NUP98: variants seen among roughly 807,000 people sequenced by gnomAD.
The protein encoded by NUP98 is nuclear pore complex protein Nup98-Nup96.
NUP98 carries 26 observed loss-of-function variants against 191.9 expected under a neutral mutation model. That is an observed-to-expected ratio of 0.14 (90% CI 0.10 to 0.19). The LOEUF (loss-of-function observed/expected upper bound fraction) is 0.19, where lower values mean the gene tolerates loss of function less well. NUP98 is among the 10% of genes least tolerant of loss of function. The probability of loss-of-function intolerance (pLI) is 1.00; values close to 1 mark genes in which losing one functional copy is unlikely to be tolerated. For missense variants in NUP98, 1,941 were observed against 2,178.8 expected, an observed-to-expected ratio of 0.89 and a Z score of 2.17; for synonymous variants, 808 against 778.4, an observed-to-expected ratio of 1.04 and a Z score of -0.63.
intron 10 of NUP98, chr11:3,760,107 T>G (rs11029664): frequency 0.19 from 26,586 of 141,108 alleles, 2,530 homozygotes; most frequent in Non-Finnish European, 0.22. Flanking sequence ...GACCCTGTTC[T>G]CCACCAAAAA....
intron 25 of NUP98, among the ~76,000 whole-genome samples, chr11:3,696,360 G>A (rs999537173): frequency 1.3e-5 from 2 of 151,924 alleles, no homozygotes; most frequent in African/African-American, 2.4e-5. Flanking sequence ...AAATTAGCCT[G>A]GCGTGGTGGC....
intron 13 of NUP98, among the ~76,000 whole-genome samples, chr11:3,731,817 T>C (rs1436868241): frequency 6.6e-6 from 1 of 152,188 alleles, no homozygotes; most frequent in African/African-American, 2.4e-5. Context: ...TTTGAAATAT[T>C]TGCATTATAC....
intron 14 of NUP98, among the ~76,000 whole-genome samples, chr11:3,729,464 T>A (rs1340628512): frequency 7.0e-6 from 1 of 142,128 alleles, no homozygotes; most frequent in Non-Finnish European, 1.5e-5. Flanking sequence ...ATGCCTGTAA[T>A]CCTAACACCT....
At chr11:3,708,064 G>A (rs1169608179) in intron 20 of NUP98, among the ~76,000 whole-genome samples, 1 of 152,162 alleles carries the variant, frequency 6.6e-6, no homozygotes. Context: ...TTGTGCCACT[G>A]CACTCCAGCC....
In NUP98 at chr11:3,676,383, A is replaced by G; in HGVS notation, c.5186-7T>C. 2 of 1,613,856 alleles carry G rather than the reference A, an allele frequency of 1.2e-6. No individual in the cohort carries two copies. Among genetic ancestry groups the G allele is most frequent in the Non-Finnish European group, 1.7e-6 (2 of 1,179,816 alleles). On this transcript the variant is annotated splice_region_variant and splice_polypyrimidine_tract_variant and intron_variant, in intron 32 of 32. Transcript: ENST00000324932. Reference sequence around the variant, plus strand: ...GCTACACGTTTGGCCATGTCTAGAGAGAAAAACTAGAGTCAAGCACTGAGC... The same window carrying G: ...GCTACACGTTTGGCCATGTCTAGAGGGAAAAACTAGAGTCAAGCACTGAGC...
chr11:3,765,482 T>C (rs190848807), intron 8 of NUP98, among the ~76,000 whole-genome samples: 1 of 152,336 alleles, frequency 6.6e-6, no homozygotes, highest in Admixed American at 6.5e-5. Context: ...AGTTTTATAA[T>C]TTTAGGTCTT....
At chr11:3,746,439 T>C (rs1589864400) in intron 11 of NUP98, among the ~76,000 whole-genome samples, 1 of 151,790 alleles carries the variant, frequency 6.6e-6, no homozygotes. Context: ...TATTTTCTGG[T>C]AGTCTAATAC....
Position 3,724,789 on chromosome 11 carries a change from A to AAAAAAAAAAAAAAAAAAAAAG in NUP98, c.1847+313_1847+314insCTTTTTTTTTTTTTTTTTTTT, listed in dbSNP as rs1259105482. On this transcript the variant is annotated intron_variant, in intron 15 of 32. Transcript: ENST00000324932. ...GAGTGAGACTCTGTCTCAAAAAAAA[A>AAAAAAAAAAAAAAAAAAAAAG]AAAGAAAGAAAATCATCACAGACAA... Among the ~76,000 whole-genome samples, 12 of 150,358 alleles carry AAAAAAAAAAAAAAAAAAAAAG rather than the reference A, an allele frequency of 8.0e-5. 1 individual carries two copies. The highest frequency in any genetic ancestry group is 3.0e-4 in the African/African-American group (12 of 40,594).
In NUP98 at chr11:3,699,307, G is replaced by A. The variant is rs2078606463; in HGVS notation, c.3784C>T (p.Leu1262=). 2.5e-6 allele frequency: 4 copies of A among 1,614,198 alleles called. No individual in the cohort carries two copies. The highest frequency in any genetic ancestry group is 2.7e-5 in the African/African-American group (2 of 75,034). ...WSLTWTLCEA[L]WGHLKELDSQ... ...TCAAGCTCCTTCAGGTGGCCCCATA[G>A]GGCTTCACATAGTGTCCATGTCAGG... Residue 1262 remains leucine (L), a synonymous_variant, in exon 25 of 33, where the codon CTA becomes TTA. Coordinates refer to ENST00000324932, the MANE Select transcript of NUP98 (RefSeq NM_016320.5).
At chr11:3,765,738 T>C (rs563973785) in intron 8 of NUP98, among the ~76,000 whole-genome samples, 7 of 150,972 alleles carry the variant, frequency 4.6e-5, no homozygotes, top group African/African-American at 1.5e-4. Context: ...GAGGCAGAGG[T>C]TGCAGTGAGC....
chr11:3,791,003 C>G (rs1450069892), intron 1 of NUP98, among the ~76,000 whole-genome samples: 1 of 151,512 alleles, frequency 6.6e-6, no homozygotes, highest in African/African-American at 2.4e-5. Flanking sequence ...TCACGACATT[C>G]TCCTGCGTCA....
intron 5 of NUP98, among the ~76,000 whole-genome samples, chr11:3,774,682 G>A (rs1378142343): frequency 6.6e-6 from 1 of 151,564 alleles, no homozygotes; most frequent in Admixed American, 6.6e-5. Context: ...GCACCACTGC[G>A]CTCCCGTCTG....
chr11:3,691,646 C>T (rs1171706251), intron 27 of NUP98, among the ~76,000 whole-genome samples, 157 bp from the exon 28 acceptor site: 1 of 152,056 alleles, frequency 6.6e-6, no homozygotes, highest in African/African-American at 2.4e-5. Context: ...CTCCGCTTCC[C>T]AGATTCAAAC....
intron 9 of NUP98, among the ~76,000 whole-genome samples, chr11:3,762,494 A>G (rs1324043309): frequency 6.6e-6 from 1 of 152,116 alleles, no homozygotes; most frequent in Non-Finnish European, 1.5e-5. Flanking sequence ...AACAATTTCA[A>G]CAATTTGATC....
chr11:3,736,835 T>C (rs1448011193), intron 12 of NUP98, among the ~76,000 whole-genome samples: 1 of 152,208 alleles, frequency 6.6e-6, no homozygotes, highest in Non-Finnish European at 1.5e-5. Context: ...AATCCAGGTG[T>C]CTTCCTGAAG....
intron 10 of NUP98, among the ~76,000 whole-genome samples, chr11:3,757,012 C>T (rs968366236): frequency 6.6e-6 from 1 of 151,500 alleles, no homozygotes; most frequent in African/African-American, 2.4e-5. Flanking sequence ...GGTGTGAACC[C>T]GGGAAGCGGA....
chr11:3,797,294 T>C (rs181954025), intron 1 of NUP98, 106 bp downstream of exon 1: 5,170 of 398,112 alleles, frequency 0.013, 73 homozygotes, highest in Middle Eastern at 0.023. Context: ...GCAGCGGCGC[T>C]AGACTTCGAA....
chr11:3,744,369 C>T (rs1357192756), intron 12 of NUP98, 140 bp downstream of exon 12: 5 of 784,858 alleles, frequency 6.4e-6, no homozygotes, highest in Non-Finnish European at 9.5e-6. Flanking sequence ...ATTAATAAGC[C>T]CTTCTTTACT....
rs181537804 is a variant in NUP98, at chr11:3,750,916, A to G, written c.1267+2400T>C. On this transcript the variant is annotated intron_variant, in intron 11 of 32. Coordinates refer to ENST00000324932, the MANE Select transcript of NUP98 (RefSeq NM_016320.5). The stretch of plus-strand genomic sequence containing the variant: ...CTCCCAAAGTGCTGGGATTAGAAGC[A>G]TAACCCATTAGGCCCAGCCTACTGA... Among the ~76,000 whole-genome samples the G allele has an allele frequency of 1.8e-3, 269 of 152,306 alleles. 1 individual carries two copies. Among genetic ancestry groups the G allele is most frequent in the African/African-American group, 6.4e-3 (265 of 41,578 alleles).
Sources: allele counts gnomAD v4.1 joint callset (sites outside exome capture counted in the v4.1 genomes callset), GRCh38; gene constraint gnomAD v4.1.1; transcripts MANE v1.5; gene names NCBI Gene and HGNC (gene_info 2026-07-23, HGNC 2026-07-21).